The following ERGIC1 variants were observed in gnomAD, a reference collection of about 807,000 sequenced individuals.
The protein encoded by ERGIC1 is endoplasmic reticulum-Golgi intermediate compartment protein 1.
A neutral mutation model predicts 38.3 loss-of-function variants in ERGIC1; 19 were observed. That is an observed-to-expected ratio of 0.50 (90% confidence interval 0.35 to 0.73). The LOEUF (loss-of-function observed/expected upper bound fraction) is 0.73, where lower values mean the gene tolerates loss of function less well. Among genes scored for constraint, ERGIC1 ranks in the 30% least tolerant of loss-of-function variants. The probability of loss-of-function intolerance (pLI) is 0.01; values close to 1 mark genes in which losing one functional copy is unlikely to be tolerated. For synonymous variants in ERGIC1, 124 were observed against 157.6 expected (o/e 0.79, Z 1.60); for missense variants, 294 against 389.2 (o/e 0.76, Z 2.06).
intron 5 of ERGIC1, among the ~76,000 whole-genome samples, chr5:172,923,092 G>C (rs143575578): frequency 0.026 from 3,447 of 132,914 alleles, 130 homozygotes; most frequent in South Asian, 0.1. Flanking sequence ...AGGAGGAGGA[G>C]GGTTCCAGGA....
chr5:172,840,386 G>A (rs190565048), intron 1 of ERGIC1, among the ~76,000 whole-genome samples: 112 of 152,286 alleles, frequency 7.4e-4, no homozygotes, highest in African/African-American at 2.6e-3. Context: ...TTTGTCAGGC[G>A]TGGGAGAGAC....
chr5:172,922,321 G>GTCAT (rs1176138472), intron 5 of ERGIC1: 1 of 152,340 alleles, frequency 6.6e-6, no homozygotes, highest in Non-Finnish European at 1.5e-5. Flanking sequence ...TGTTTGTTTA[G>GTCAT]TCATTCATTC....
intron 1 of ERGIC1, among the ~76,000 whole-genome samples, chr5:172,880,430 A>G (rs1320302494): frequency 2.0e-5 from 3 of 151,934 alleles, no homozygotes; most frequent in Non-Finnish European, 2.9e-5. Flanking sequence ...GGCTCAAGCA[A>G]TCCTCCCACC....
intron 8 of ERGIC1, 50 bp from the exon 9 acceptor site, chr5:172,935,138 C>G (rs1208921444): frequency 2.5e-6 from 4 of 1,612,632 alleles, no homozygotes; most frequent in African/African-American, 2.7e-5. Flanking sequence ...CAGTCCCCGC[C>G]CCCCCTGAGA....
intron 8 of ERGIC1, chr5:172,934,775 G>A (rs926455437): frequency 1.5e-5 from 4 of 258,698 alleles, no homozygotes; most frequent in East Asian, 1.7e-4. Flanking sequence ...TGCTCACCTC[G>A]GGGTCCCCAG....
intron 1 of ERGIC1, among the ~76,000 whole-genome samples, chr5:172,843,888 C>A (rs902981750): frequency 6.6e-6 from 1 of 152,148 alleles, no homozygotes; most frequent in South Asian, 2.1e-4. Flanking sequence ...ACTTTCTTTG[C>A]GGGGATTTTG....
chr5:172,920,172 T>C (rs1186171216), intron 5 of ERGIC1, among the ~76,000 whole-genome samples: 1 of 152,010 alleles, frequency 6.6e-6, no homozygotes. Context: ...TGCCCCATAC[T>C]CCTGGAGGGA....
intron 1 of ERGIC1, 45 bp from the exon 2 acceptor site, chr5:172,888,654 C>T (rs1762479355): frequency 6.5e-7 from 1 of 1,536,328 alleles, no homozygotes; most frequent in Non-Finnish European, 9.0e-7. Flanking sequence ...CCTTGAGACC[C>T]ACCCTTTGTG....
chr5:172,913,516 G>C (rs1763263578), intron 4 of ERGIC1, among the ~76,000 whole-genome samples: 1 of 152,206 alleles, frequency 6.6e-6, no homozygotes. Flanking sequence ...TCTATGGCTG[G>C]ATCCTCACTT....
intron 1 of ERGIC1, among the ~76,000 whole-genome samples, chr5:172,855,889 G>T (rs894580756): frequency 6.6e-6 from 1 of 152,358 alleles, no homozygotes; most frequent in South Asian, 2.1e-4. Flanking sequence ...CCCGGCGGGG[G>T]CCAGGCCAGC....
At chr5:172,930,187 C>CA (rs377062885) in intron 7 of ERGIC1, among the ~76,000 whole-genome samples, 4,988 of 107,860 alleles carry the variant, frequency 0.046, 232 homozygotes, top group African/African-American at 0.14. Context: ...AACTCCGTTT[C>CA]AAAAAAAAAA....
intron 1 of ERGIC1, among the ~76,000 whole-genome samples, chr5:172,872,741 G>A (rs1190563374): frequency 6.6e-6 from 1 of 152,132 alleles, no homozygotes; most frequent in African/African-American, 2.4e-5. Context: ...CTTGAGCCCG[G>A]GATGGGGAGC....
chr5:172,910,311 G>A (rs6865502), intron 4 of ERGIC1, among the ~76,000 whole-genome samples: 99,443 of 151,868 alleles, frequency 0.65, 33,290 homozygotes, highest in Non-Finnish European at 0.74. Flanking sequence ...CATCTCAAGC[G>A]AGAAGACCTC....
At chr5:172,882,612 G>A (rs1441231364) in intron 1 of ERGIC1, among the ~76,000 whole-genome samples, 1 of 152,092 alleles carries the variant, frequency 6.6e-6, no homozygotes, top group Non-Finnish European at 1.5e-5. Flanking sequence ...TATTTTCCAG[G>A]GTTTTGTGAG....
intron 7 of ERGIC1, among the ~76,000 whole-genome samples, chr5:172,927,674 G>A (rs1467370033): frequency 6.6e-6 from 1 of 151,502 alleles, no homozygotes; most frequent in Non-Finnish European, 1.5e-5. Context: ...CAGCCTCCCG[G>A]GTTCAAGCAA....
chr5:172,945,396 T>C (rs1478080614), intron 9 of ERGIC1, among the ~76,000 whole-genome samples: 2 of 152,214 alleles, frequency 1.3e-5, no homozygotes, highest in Non-Finnish European at 2.9e-5. Flanking sequence ...GGGACACTCT[T>C]GCGGTCCTGT....
At chr5:172,860,943 C>T (rs1367923308) in intron 1 of ERGIC1, among the ~76,000 whole-genome samples, 1 of 152,196 alleles carries the variant, frequency 6.6e-6, no homozygotes, top group Non-Finnish European at 1.5e-5. Context: ...GAGCCAGCCT[C>T]GGCTGGAGAC....
chr5:172,947,753 C>T lies in ERGIC1; in HGVS notation c.766-2956C>T, dbSNP rs570931118. Reference sequence around the variant, plus strand: ...ATGTGCTTTCCTGTGTACCTCAATACACACATTGTCTCCCTCTGGTCTGGG... The same window carrying T: ...ATGTGCTTTCCTGTGTACCTCAATATACACATTGTCTCCCTCTGGTCTGGG... On this transcript the variant is annotated intron_variant, in intron 9 of 9. Transcript: ENST00000393784. 1.5e-3 allele frequency among the ~76,000 whole-genome samples: 234 copies of T among 152,286 alleles called. 1 individual carries two copies. Among genetic ancestry groups the T allele is most frequent in the African/African-American group, 5.5e-3 (227 of 41,554 alleles).
intron 9 of ERGIC1, among the ~76,000 whole-genome samples, chr5:172,940,034 TAGAGGGGCTGCAGATGA>T (rs1242565121): frequency 6.6e-6 from 1 of 152,074 alleles, no homozygotes; most frequent in African/African-American, 2.4e-5. Context: ...AATAGCTCCT[TAGAGGGGCTGCAGATGA>T]AGAGGGGCTT....
Sources: gnomAD v4.1 joint callset for allele counts (sites outside exome capture counted in the v4.1 genomes callset) on GRCh38, gnomAD v4.1.1 for gene constraint, MANE v1.5 for transcripts, NCBI Gene and HGNC (gene_info 2026-07-23, HGNC 2026-07-21) for gene names.